The following UBE2D2 variants were observed in gnomAD, a reference collection of about 807,000 sequenced individuals.
UBE2D2 encodes the protein ubiquitin-conjugating enzyme E2 D2.
In UBE2D2, 2 loss-of-function variants were observed where a neutral mutation model predicts 24.2. The observed-to-expected ratio is 0.08, with a 90% CI of 0.03 to 0.26. The LOEUF (loss-of-function observed/expected upper bound fraction) is 0.26, where lower values mean the gene tolerates loss of function less well. Among genes scored for constraint, UBE2D2 ranks in the 10% least tolerant of loss-of-function variants. The pLI, the probability that UBE2D2 is intolerant of heterozygous loss-of-function variation, is 1.00. For synonymous variants in UBE2D2, 58 were observed against 56.5 expected (o/e 1.03, Z -0.12); for missense variants, 44 against 177.6 (o/e 0.25, Z 4.28).
At chr5:139,625,535 C>G (rs1433290912) in intron 6 of UBE2D2, among the ~76,000 whole-genome samples, 1 of 149,376 alleles carries the variant, frequency 6.7e-6, no homozygotes, top group African/African-American at 2.5e-5. Context: ...CCTCAACCTC[C>G]CAGGCTCAAG....
chr5:139,544,780 CT>C (rs58143967), intron 1 of UBE2D2, among the ~76,000 whole-genome samples: 46,632 of 148,906 alleles, frequency 0.31, 8,694 homozygotes, highest in African/African-American at 0.53. Flanking sequence ...CTGTAGTTTG[CT>C]TTTTTTTTTC....
upstream of UBE2D2, among the ~76,000 whole-genome samples, chr5:139,560,552 G>T (rs780814702): frequency 6.6e-6 from 1 of 151,940 alleles, no homozygotes; most frequent in Non-Finnish European, 1.5e-5. Flanking sequence ...GGCTGGTCTC[G>T]AACTCTTGAC....
At chr5:139,587,799 C>T (rs1753763098) in intron 1 of UBE2D2, among the ~76,000 whole-genome samples, 1 of 151,962 alleles carries the variant, frequency 6.6e-6, no homozygotes, top group Non-Finnish European at 1.5e-5. Context: ...ATTGCCAGCT[C>T]AAATGCCTGG....
intron 1 of UBE2D2, among the ~76,000 whole-genome samples, chr5:139,566,385 CACAGTGGGTCAT>C (rs1445518169): frequency 2.4e-3 from 1 of 422 alleles, no homozygotes; most frequent in Non-Finnish European, 4.6e-3. Context: ...TCAGGTCATG[CACAGTGGGTCAT>C]GCACAGTGGG....
chr5:139,602,580 A>G (rs1754104730), intron 2 of UBE2D2, among the ~76,000 whole-genome samples: 1 of 151,996 alleles, frequency 6.6e-6, no homozygotes, highest in Non-Finnish European at 1.5e-5. Context: ...CAGGAGTTTA[A>G]GGTGGGAGGA....
At chr5:139,564,050 C>T (rs528279445) in intron 1 of UBE2D2, among the ~76,000 whole-genome samples, 1 of 152,226 alleles carries the variant, frequency 6.6e-6, no homozygotes, top group Non-Finnish European at 1.5e-5. Context: ...ATAATACTTG[C>T]TCTGGTAATA....
chr5:139,562,239 C>A, intron 1 of UBE2D2: 19 of 1,366,682 alleles, frequency 1.4e-5, no homozygotes, highest in Non-Finnish European at 1.7e-5. Flanking sequence ...CCACACCTGC[C>A]CTAGCTCCCT....
chr5:139,619,963 C>A (rs1317401558), intron 5 of UBE2D2, among the ~76,000 whole-genome samples: 1 of 152,162 alleles, frequency 6.6e-6, no homozygotes. Context: ...TTACTCATGG[C>A]AGAAGGCAAA....
chr5:139,552,908 C>T (rs896437525), intron 1 of UBE2D2, among the ~76,000 whole-genome samples: 1 of 152,034 alleles, frequency 6.6e-6, no homozygotes, highest in Non-Finnish European at 1.5e-5. Context: ...TCTCGAACTC[C>T]CGATCTCAGG....
rs143549922 is a variant in UBE2D2, at chr5:139,588,450, A to G, written c.25-11922A>G. Among the ~76,000 whole-genome samples the G allele has an allele frequency of 7.2e-4, 110 of 152,094 alleles. No homozygotes were observed. The Middle Eastern group carries it at 0.02, about 28-fold the overall frequency. ...GCCACCATATCTGGCTAATTTTTGTATTGTTAGTGGAGATGGGTTTTACCA... is the reference window on the plus strand; with the variant it reads ...GCCACCATATCTGGCTAATTTTTGTGTTGTTAGTGGAGATGGGTTTTACCA... On this transcript the variant is annotated intron_variant, in intron 1 of 6. Coordinates refer to ENST00000398733, the MANE Select transcript of UBE2D2 (RefSeq NM_003339.3).
chr5:139,534,073 G>T (rs1320402202), intron 1 of UBE2D2, among the ~76,000 whole-genome samples: 1 of 150,858 alleles, frequency 6.6e-6, no homozygotes, highest in Admixed American at 6.6e-5. Context: ...GAGCCACCGC[G>T]CCTGGCAAAA....
chr5:139,573,832 GT>G (rs1372452584), intron 1 of UBE2D2, among the ~76,000 whole-genome samples: 1 of 152,098 alleles, frequency 6.6e-6, no homozygotes, highest in Non-Finnish European at 1.5e-5. Flanking sequence ...TTAGCCAGGT[GT>G]GGTGGCGGGT....
At chr5:139,611,407 C>T (rs1032619195) in intron 2 of UBE2D2, among the ~76,000 whole-genome samples, 1 of 151,884 alleles carries the variant, frequency 6.6e-6, no homozygotes, top group African/African-American at 2.4e-5. Context: ...AGGCTGATCT[C>T]GAACTCCTGA....
intron 5 of UBE2D2, among the ~76,000 whole-genome samples, chr5:139,617,537 T>C (rs1013454696): frequency 1.3e-5 from 2 of 151,752 alleles, no homozygotes; most frequent in African/African-American, 4.8e-5. Context: ...CCACCACGCC[T>C]GGCTAATTTT....
intron 2 of UBE2D2, among the ~76,000 whole-genome samples, chr5:139,603,779 C>T (rs1237587677): frequency 6.6e-6 from 1 of 151,802 alleles, no homozygotes; most frequent in Non-Finnish European, 1.5e-5. Flanking sequence ...ACCCCGTCTA[C>T]TAAAAATAAA....
intron 1 of UBE2D2, chr5:139,600,112 C>T (rs563886124): frequency 1.0e-4 from 52 of 497,394 alleles, no homozygotes; most frequent in South Asian, 9.7e-4. Context: ...ATACATGACA[C>T]ATGTTTTACC....
At chr5:139,611,778 A>T (rs895857001) in intron 2 of UBE2D2, among the ~76,000 whole-genome samples, 1 of 152,174 alleles carries the variant, frequency 6.6e-6, no homozygotes, top group Non-Finnish European at 1.5e-5. Context: ...ACTTGAATTA[A>T]TGCTTTACAT....
chr5:139,601,265 T>C (rs1231751343), intron 2 of UBE2D2, among the ~76,000 whole-genome samples: 2 of 152,208 alleles, frequency 1.3e-5, no homozygotes. Flanking sequence ...AGAGGGGATA[T>C]TTGAATGAGA....
intron 1 of UBE2D2, among the ~76,000 whole-genome samples, chr5:139,537,900 C>T (rs1333610142): frequency 1.3e-5 from 2 of 150,988 alleles, no homozygotes; most frequent in African/African-American, 4.9e-5. Flanking sequence ...GGAGGCGGAG[C>T]TTGCAGTGAG....
Sources: allele counts gnomAD v4.1 joint callset (sites outside exome capture counted in the v4.1 genomes callset), GRCh38; gene constraint gnomAD v4.1.1; transcripts MANE v1.5; gene names NCBI Gene and HGNC (gene_info 2026-07-23, HGNC 2026-07-21).